KIF26B: variants seen among roughly 807,000 people sequenced by gnomAD.
KIF26B encodes kinesin family member 26B.
Under a neutral mutation model 151.2 loss-of-function variants are expected in KIF26B, and 63 were observed. That is an observed-to-expected ratio of 0.42 (90% confidence interval 0.34 to 0.51). The LOEUF is 0.51. Ranked by LOEUF, KIF26B falls within the 20% of genes least tolerant of loss-of-function variation. The probability of loss-of-function intolerance (pLI) is 0.07; values close to 1 mark genes in which losing one functional copy is unlikely to be tolerated. For missense variants in KIF26B, 2,813 were observed against 2,913.6 expected (o/e 0.97, Z 0.79); for synonymous variants, 1,357 against 1,262.1 (o/e 1.08, Z -1.59).
At chr1:245,214,917 G>A (rs946451853) in intron 2 of KIF26B, among the ~76,000 whole-genome samples, 1 of 152,184 alleles carries the variant, frequency 6.6e-6, no homozygotes, top group African/African-American at 2.4e-5. Context: ...CTGAGCAGCA[G>A]AATGAGAGTA....
intron 10 of KIF26B, among the ~76,000 whole-genome samples, chr1:245,658,767 C>A (rs58974329): frequency 2.6e-5 from 4 of 152,142 alleles, no homozygotes; most frequent in Non-Finnish European, 4.4e-5. Flanking sequence ...TCTCAAATAT[C>A]ATCTCCCCTC....
intron 2 of KIF26B, among the ~76,000 whole-genome samples, chr1:245,282,032 T>G (rs1029286435): frequency 5.3e-5 from 8 of 152,134 alleles, no homozygotes; most frequent in Non-Finnish European, 1.2e-4. Flanking sequence ...GAATCCAACT[T>G]ACAAGGGATG....
chr1:245,585,249 A>G (rs1460043654), intron 5 of KIF26B, among the ~76,000 whole-genome samples: 1 of 152,242 alleles, frequency 6.6e-6, no homozygotes, highest in East Asian at 1.9e-4. Flanking sequence ...TTGGTAAGAA[A>G]ATAAGAGTTT....
At chr1:245,519,907 C>A (rs1384559234) in intron 4 of KIF26B, among the ~76,000 whole-genome samples, 1 of 152,074 alleles carries the variant, frequency 6.6e-6, no homozygotes, top group African/African-American at 2.4e-5. Flanking sequence ...TGGTTTAGCC[C>A]ATGTTTTTAT....
chr1:245,463,598 G>C (rs1480071402), intron 4 of KIF26B, among the ~76,000 whole-genome samples: 1 of 152,192 alleles, frequency 6.6e-6, no homozygotes, highest in Non-Finnish European at 1.5e-5. Flanking sequence ...GGACTTTGCA[G>C]TCAATGGTTA....
chr1:245,621,428 A>C (rs1200363203), intron 9 of KIF26B, among the ~76,000 whole-genome samples: 2 of 152,222 alleles, frequency 1.3e-5, no homozygotes, highest in Non-Finnish European at 2.9e-5. Flanking sequence ...GCTACCTTCC[A>C]GGTGCTTAAT....
At chr1:245,466,619 C>T (rs1001279088) in intron 4 of KIF26B, among the ~76,000 whole-genome samples, 1 of 152,218 alleles carries the variant, frequency 6.6e-6, no homozygotes, top group African/African-American at 2.4e-5. Context: ...TTTTCACATG[C>T]ATGCTTTAAA....
chr1:245,303,260 G>A (rs559850340), intron 2 of KIF26B, among the ~76,000 whole-genome samples: 3 of 145,140 alleles, frequency 2.1e-5, no homozygotes, highest in South Asian at 2.2e-4. Context: ...GTGCAGTGGC[G>A]CGATCTCGGC....
At chr1:245,158,013 TAAC>T (rs1228651389) in intron 2 of KIF26B, among the ~76,000 whole-genome samples, 1 of 152,188 alleles carries the variant, frequency 6.6e-6, no homozygotes, top group Non-Finnish European at 1.5e-5. Flanking sequence ...AGGATACAGA[TAAC>T]AACCACAAAA....
intron 2 of KIF26B, among the ~76,000 whole-genome samples, chr1:245,268,205 C>A (rs894931349): frequency 2.0e-5 from 3 of 151,978 alleles, no homozygotes; most frequent in Non-Finnish European, 4.4e-5. Context: ...CGCGGTGGCT[C>A]ATGCCTGTAA....
At chr1:245,289,983 C>G (rs1343243899) in intron 2 of KIF26B, among the ~76,000 whole-genome samples, 1 of 152,156 alleles carries the variant, frequency 6.6e-6, no homozygotes, top group Non-Finnish European at 1.5e-5. Context: ...ACCACCCTAC[C>G]CTCCATCCTT....
intron 2 of KIF26B, among the ~76,000 whole-genome samples, chr1:245,327,932 C>T (rs185834821): frequency 3.9e-5 from 6 of 152,284 alleles, no homozygotes; most frequent in East Asian, 1.9e-4. Context: ...ATGGTTCTGA[C>T]CTGGGATCGT....
At position 245,318,719 on chromosome 1, in the gene KIF26B, C is replaced by A. The variant is rs572736845; in HGVS notation, c.466-48115C>A. Among the ~76,000 whole-genome samples, 2 of 152,212 alleles carry A rather than the reference C, an allele frequency of 1.3e-5. No homozygotes were observed. The highest frequency in any genetic ancestry group is 3.9e-4 in the East Asian group (2 of 5,172). Reference sequence around the variant, plus strand: ...TGAAAACTTTGCAAACTGTACATAACTCAATTCCCCAGGCTGCTGTGTGTC... The same window carrying A: ...TGAAAACTTTGCAAACTGTACATAAATCAATTCCCCAGGCTGCTGTGTGTC... On this transcript the variant is annotated intron_variant, in intron 2 of 14. Coordinates refer to ENST00000407071, the MANE Select transcript of KIF26B (RefSeq NM_018012.4). The surrounding 1 kb of genome is among the most constrained non-coding windows in gnomAD (Gnocchi z 4.0).
At chr1:245,590,664 T>C (rs563318753) in intron 5 of KIF26B, among the ~76,000 whole-genome samples, 4 of 152,186 alleles carry the variant, frequency 2.6e-5, no homozygotes, top group Admixed American at 2.0e-4. Flanking sequence ...TCCCAGCACG[T>C]TGGGAGTCCA....
intron 10 of KIF26B, among the ~76,000 whole-genome samples, chr1:245,660,513 A>T (rs928943051): frequency 6.6e-6 from 1 of 150,486 alleles, no homozygotes; most frequent in African/African-American, 2.4e-5. Context: ...AATTTTTAAA[A>T]ATTTTTTTCT....
chr1:245,566,083 C>T (rs926354624), intron 5 of KIF26B, among the ~76,000 whole-genome samples: 2 of 152,230 alleles, frequency 1.3e-5, no homozygotes, highest in South Asian at 2.1e-4. Context: ...AAGGGATCTG[C>T]GGCCATGATC....
intron 2 of KIF26B, among the ~76,000 whole-genome samples, chr1:245,292,829 T>C (rs1334877712): frequency 6.6e-6 from 1 of 152,088 alleles, no homozygotes; most frequent in Non-Finnish European, 1.5e-5. Flanking sequence ...ACAGAAGCAA[T>C]GTCATAACAA....
intron 7 of KIF26B, among the ~76,000 whole-genome samples, chr1:245,608,812 C>A (rs1050378696): frequency 1.3e-5 from 2 of 151,996 alleles, no homozygotes; most frequent in East Asian, 1.9e-4. Context: ...AGTACAGTGG[C>A]ATGCTCATAG....
chr1:245,664,095 A>G (rs2044186147), intron 10 of KIF26B, among the ~76,000 whole-genome samples: 1 of 152,162 alleles, frequency 6.6e-6, no homozygotes, highest in Admixed American at 6.6e-5. Flanking sequence ...ACGGCCGGGC[A>G]TGGTGGCTCA....
Sources: gnomAD v4.1 joint callset for allele counts (sites outside exome capture counted in the v4.1 genomes callset) on GRCh38, gnomAD v4.1.1 for gene constraint, Gnocchi (gnomAD v3.1) non-coding constraint, MANE v1.5 for transcripts, NCBI Gene and HGNC (gene_info 2026-07-23, HGNC 2026-07-21) for gene names.